The following MYT1 variants were observed in gnomAD, a reference collection of about 807,000 sequenced individuals.
MYT1 encodes myelin transcription factor I.
MYT1 carries 23 observed loss-of-function variants against 123.0 expected under a neutral mutation model. That is an observed-to-expected ratio of 0.19 (90% CI 0.13 to 0.26). The LOEUF (loss-of-function observed/expected upper bound fraction) is 0.26. Among genes scored for constraint, MYT1 ranks in the 10% least tolerant of loss-of-function variants. The pLI is 1.00. For synonymous variants in MYT1, 518 were observed against 575.3 expected (o/e 0.90, Z 1.43); for missense variants, 1,125 against 1,472.5 (o/e 0.76, Z 3.86).
At position 64,190,317 on chromosome 20, in the gene MYT1, A is replaced by C. The variant is rs1258286315; in HGVS notation, c.-1+157A>C. Among the ~76,000 whole-genome samples the C allele has an allele frequency of 6.6e-6, 1 of 152,266 alleles. No homozygotes were observed. The highest frequency in any genetic ancestry group is 1.5e-5 in the Non-Finnish European group (1 of 68,044). ...TGAAGGGTAAATGGGGACTAGGATC[A>C]GCAATGATCCGGTCACTTTAAAATT... On this transcript the variant is annotated intron_variant, in intron 2 of 22. Coordinates refer to ENST00000328439, the MANE Select transcript of MYT1 (RefSeq NM_004535.3). The surrounding 1 kb of genome is among the most constrained non-coding windows in gnomAD (Gnocchi z 4.1).
At chr20:64,236,049 C>T (rs370681228) in intron 19 of MYT1, among the ~76,000 whole-genome samples, 2 of 26,228 alleles carry the variant, frequency 7.6e-5, no homozygotes, top group African/African-American at 3.4e-4. Flanking sequence ...CTGGGATGGT[C>T]GCGGTGGGTG....
In MYT1 at chr20:64,193,104, A is replaced by G. The variant is rs1983010602; in HGVS notation, c.-1+2944A>G. Among the ~76,000 whole-genome samples, 2 of 152,154 alleles carry G rather than the reference A, an allele frequency of 1.3e-5. No homozygotes were observed. The highest frequency in any genetic ancestry group is 1.3e-4 in the Admixed American group (2 of 15,282). On this transcript the variant is annotated intron_variant, in intron 2 of 22. Transcript: ENST00000328439. This position sits in a 1 kb window ranked among gnomAD's most constrained non-coding sequence, Gnocchi z 4.0. ...GGAGGAGGCTGGTCTATTCTGCTGA[A>G]TTTGTTGGGAGAATTTCAGAATTTC...
Position 64,212,521 on chromosome 20 carries a change from C to T in MYT1, c.1517+383C>T, listed in dbSNP as rs1265308250. Among the ~76,000 whole-genome samples the T allele has an allele frequency of 6.6e-6, 1 of 152,162 alleles. No homozygotes were observed. The highest frequency in any genetic ancestry group is 1.5e-5 in the Non-Finnish European group (1 of 68,018). ...TTAACCCTACGAGCTCCCGAGAGAG[C>T]AGGGGGCGGCCTGCAGAGGAGGGAG... On this transcript the variant is annotated intron_variant, in intron 9 of 22. Transcript: ENST00000328439. This position sits in a 1 kb window ranked among gnomAD's most constrained non-coding sequence, Gnocchi z 6.8.
In MYT1 at chr20:64,208,357, G is replaced by C. The variant is rs61746505; in HGVS notation, c.1161G>C (p.Leu387=). The C allele has an allele frequency of 0.049, 78,411 of 1,613,916 alleles. 2,361 individuals are homozygous for C. The highest frequency in any genetic ancestry group is 0.11 in the South Asian group (9,735 of 91,076). The change falls in exon 7 of 23, where the codon CTG becomes CTC. Residue 387 remains leucine, a synonymous_variant. Coordinates refer to ENST00000328439, the MANE Select transcript of MYT1 (RefSeq NM_004535.3). This position sits in a 1 kb window ranked among gnomAD's most constrained non-coding sequence, Gnocchi z 5.4. ...GCCTCCTGGAGCAGGCCATCGCCCTGAAGGCTGAACAGGTGCGCACAGTCT... is the reference window on the plus strand; with the variant it reads ...GCCTCCTGGAGCAGGCCATCGCCCTCAAGGCTGAACAGGTGCGCACAGTCT... ...NLGLLEQAIA[L]KAEQVRTVCE...
Position 64,218,892 on chromosome 20 carries a change from A to C in MYT1, c.1847-19A>C. ...CCCCTCCAGTAGTTATGTGAGGAGC[A>C]CTTCATCCTCTTCTGCAGGCTTTGA... On this transcript the variant is annotated intron_variant, in intron 11 of 22. Transcript: ENST00000328439. The surrounding 1 kb of genome is among the most constrained non-coding windows in gnomAD (Gnocchi z 4.0). 6.2e-7 allele frequency: 1 copy of C among 1,613,034 alleles called. No homozygotes were observed. Among genetic ancestry groups the C allele is most frequent in the East Asian group, 2.2e-5 (1 of 44,880 alleles).
At chr20:64,187,869 G>A (rs933152449) in intron 1 of MYT1, among the ~76,000 whole-genome samples, 1 of 152,320 alleles carries the variant, frequency 6.6e-6, no homozygotes, top group South Asian at 2.1e-4. Flanking sequence ...CTGTACCCAG[G>A]GGTATGGTGC....
intron 3 of MYT1, 47 bp downstream of exon 3, chr20:64,198,963 T>A (rs952888845): frequency 1.9e-6 from 3 of 1,600,108 alleles, no homozygotes; most frequent in Middle Eastern, 3.3e-4. Flanking sequence ...GCCACTTTCC[T>A]CCGCGGTCTT....
chr20:64,232,335 G>T lies in MYT1; in HGVS notation c.2847G>T (p.Pro949=). 6.2e-7 allele frequency: 1 copy of T among 1,612,996 alleles called. No individual in the cohort carries two copies. Residue 949 remains proline (P), a synonymous_variant, in exon 19 of 23, where the codon CCG becomes CCT. Transcript: ENST00000328439. This position sits in a 1 kb window ranked among gnomAD's most constrained non-coding sequence, Gnocchi z 6.9. ...ATGAAGGACCGACCTGCCCCACCCC[G>T]GGCTGTGACGGCTCTGGCCACGCCA... The part of the protein sequence containing the change: ...LKNEGPTCPT[P]GCDGSGHANG...
At chr20:64,211,127 G>T in intron 7 of MYT1, 79 bp from the exon 8 acceptor site, 1 of 1,491,568 alleles carries the variant, frequency 6.7e-7, no homozygotes, top group East Asian at 2.4e-5. Flanking sequence ...CCAGAGAGAG[G>T]GTTCCTGAGC....
intron 1 of MYT1, among the ~76,000 whole-genome samples, chr20:64,169,182 G>A (rs547069384): frequency 1.3e-5 from 2 of 152,226 alleles, no homozygotes; most frequent in East Asian, 3.9e-4. Context: ...GCCTGAGTGG[G>A]AGGAGAGTGG....
chr20:64,221,870 A>T, intron 13 of MYT1, 23 bp from the exon 14 acceptor site: 1 of 1,611,576 alleles, frequency 6.2e-7, no homozygotes, highest in Non-Finnish European at 8.5e-7. Context: ...CGGTTAAAAC[A>T]TCTTCCTGCT....
intron 10 of MYT1, among the ~76,000 whole-genome samples, chr20:64,215,083 G>A (rs1983796170): frequency 6.6e-6 from 1 of 152,194 alleles, no homozygotes; most frequent in Non-Finnish European, 1.5e-5. Flanking sequence ...TCTCACAATG[G>A]TTTGAAGCTG....
In MYT1 at chr20:64,167,914, C is replaced by T. The variant is rs527909900; in HGVS notation, c.-99+3175C>T. 7.2e-5 allele frequency among the ~76,000 whole-genome samples: 11 copies of T among 152,352 alleles called. No homozygotes were observed. In the East Asian group the frequency reaches 9.6e-4, roughly 13 times the overall value. ...TTAGATTAGTCAGACCGAGAAACGC[C>T]GTGTTTCCCAGAAGGGAAGAGAGCA... On this transcript the variant is annotated intron_variant, in intron 1 of 22. Coordinates refer to ENST00000328439, the MANE Select transcript of MYT1 (RefSeq NM_004535.3). This position sits in a 1 kb window ranked among gnomAD's most constrained non-coding sequence, Gnocchi z 6.3.
Position 64,205,406 on chromosome 20 carries a change from T to A in MYT1, c.150-147T>A. On this transcript the variant is annotated intron_variant, in intron 5 of 22. Transcript: ENST00000328439. ...CATCTGACCCCCTAGTGCTGCACTT[T>A]GCTTTTTTTGTCCGGGTTCCCTGCA... is the stretch of plus-strand genomic sequence containing the variant. 4 of 1,247,682 alleles carry A rather than the reference T, an allele frequency of 3.2e-6. No individual in the cohort carries two copies. In the South Asian group the frequency reaches 4.4e-5, roughly 14 times the overall value. 77.3% of individuals were successfully genotyped at this position (1,247,682 alleles called of 1,614,324 possible).
In MYT1 at chr20:64,212,207, C is replaced by T. The variant is rs1294188798; in HGVS notation, c.1517+69C>T. Reference sequence around the variant, plus strand: ...CCGTGGTGGGGGCCAGGGTGGGGGCCGTGGTGGGGGCCAGGGTGGGGGCCG... The same window carrying T: ...CCGTGGTGGGGGCCAGGGTGGGGGCTGTGGTGGGGGCCAGGGTGGGGGCCG... On this transcript the variant is annotated intron_variant, in intron 9 of 22. Coordinates refer to ENST00000328439, the MANE Select transcript of MYT1 (RefSeq NM_004535.3). This position sits in a 1 kb window ranked among gnomAD's most constrained non-coding sequence, Gnocchi z 6.8. The T allele has an allele frequency of 1.4e-3, 37 of 27,356 alleles. 1 individual carries two copies. Among genetic ancestry groups the T allele is most frequent in the African/African-American group, 7.2e-3 (25 of 3,454 alleles). 1.7% of individuals were successfully genotyped at this position (27,356 alleles called of 1,614,324 possible).
Position 64,190,636 on chromosome 20 carries a change from T to A in MYT1, c.-1+476T>A. ...AAGTCAAGGCTGCAGTGAGCTGAGA[T>A]TGTGCCACTGCACTCCAGCCTGGGT... On this transcript the variant is annotated intron_variant, in intron 2 of 22. Transcript: ENST00000328439. The surrounding 1 kb of genome is among the most constrained non-coding windows in gnomAD (Gnocchi z 4.1). Among the ~76,000 whole-genome samples, 1 of 151,434 alleles carries A rather than the reference T, an allele frequency of 6.6e-6. No homozygotes were observed. Among genetic ancestry groups the A allele is most frequent in the East Asian group, 1.9e-4 (1 of 5,142 alleles).
At position 64,223,275 on chromosome 20, in the gene MYT1, A is replaced by G. The variant is rs549930206; in HGVS notation, c.2460-16A>G. The G allele has an allele frequency of 5.0e-6, 8 of 1,613,706 alleles. No homozygotes were observed. Among genetic ancestry groups the G allele is most frequent in the African/African-American group, 4.0e-5 (3 of 74,868 alleles). On this transcript the variant is annotated splice_polypyrimidine_tract_variant and intron_variant, in intron 15 of 22. Coordinates refer to ENST00000328439, the MANE Select transcript of MYT1 (RefSeq NM_004535.3). ...CCTCTTTGGCTTACCCCAATATCCC[A>G]TCTCTTCTCTTTCAGCCTCTCTGGT...
intron 10 of MYT1, among the ~76,000 whole-genome samples, chr20:64,214,826 G>A (rs780848133): frequency 1.3e-4 from 20 of 152,168 alleles, no homozygotes; most frequent in African/African-American, 2.9e-4. Context: ...ACCTGACCCC[G>A]GCCCTTCCTG....
intron 18 of MYT1, among the ~76,000 whole-genome samples, chr20:64,230,086 C>T (rs1321275301): frequency 1.3e-5 from 2 of 152,214 alleles, no homozygotes; most frequent in East Asian, 3.9e-4. Flanking sequence ...GCTTGAAAGT[C>T]TCCACACCAG....
Sources: allele counts gnomAD v4.1 joint callset (sites outside exome capture counted in the v4.1 genomes callset), GRCh38; gene constraint gnomAD v4.1.1; non-coding constraint Gnocchi (gnomAD v3.1); transcripts MANE v1.5; gene names NCBI Gene and HGNC (gene_info 2026-07-23, HGNC 2026-07-21).